DCC: variants seen among roughly 807,000 people sequenced by gnomAD.
The protein encoded by DCC is DCC netrin 1 receptor, also known as netrin receptor DCC.
A neutral mutation model predicts 172.5 loss-of-function variants in DCC; 58 were observed. That is an observed-to-expected ratio of 0.34 (90% CI 0.27 to 0.42). The LOEUF is 0.42. Ranked by LOEUF, DCC falls within the 10% of genes least tolerant of loss-of-function variation. The pLI is 1.00. For missense variants in DCC, 1,740 were observed against 1,791.0 expected (o/e 0.97, Z 0.51); for synonymous variants, 709 against 644.5 (o/e 1.10, Z -1.52).
intron 1 of DCC, among the ~76,000 whole-genome samples, chr18:52,425,276 T>C (rs371581579): frequency 1.3e-5 from 2 of 152,162 alleles, no homozygotes; most frequent in East Asian, 3.8e-4. Context: ...TGGGTGTGGC[T>C]AAACTGGTGT....
At chr18:53,358,632 T>A (rs1340191660) in intron 15 of DCC, among the ~76,000 whole-genome samples, 1 of 144,898 alleles carries the variant, frequency 6.9e-6, no homozygotes, top group African/African-American at 2.5e-5. Context: ...CCGATTCTCC[T>A]GCCTCAGCCT....
chr18:52,763,712 C>G (rs2037198466), intron 2 of DCC, among the ~76,000 whole-genome samples: 2 of 152,214 alleles, frequency 1.3e-5, no homozygotes, highest in Non-Finnish European at 2.9e-5. Context: ...ACCACCACCA[C>G]TATCTAATTC....
chr18:53,312,319 C>CGACA (rs2144801562), intron 13 of DCC, among the ~76,000 whole-genome samples: 1 of 119,328 alleles, frequency 8.4e-6, no homozygotes, highest in South Asian at 2.6e-4. Context: ...CCAGCCTGGG[C>CGACA]GACAGAGCCA....
At chr18:53,331,201 A>G (rs992288471) in intron 14 of DCC, among the ~76,000 whole-genome samples, 4 of 152,210 alleles carry the variant, frequency 2.6e-5, no homozygotes, top group Admixed American at 2.6e-4. Context: ...AAGATTTTAG[A>G]GTTACAATGG....
At chr18:52,507,712 C>G (rs2031282432) in intron 1 of DCC, among the ~76,000 whole-genome samples, 1 of 152,206 alleles carries the variant, frequency 6.6e-6, no homozygotes, top group African/African-American at 2.4e-5. Flanking sequence ...AGATCAAAAT[C>G]TACCATTTCT....
At chr18:52,617,039 C>T (rs373191845) in intron 1 of DCC, among the ~76,000 whole-genome samples, 12 of 152,042 alleles carry the variant, frequency 7.9e-5, no homozygotes, top group African/African-American at 2.9e-4. Context: ...CAAAAACTGG[C>T]CTTAACAGAA....
At chr18:52,784,585 TTG>T (rs75177229) in intron 2 of DCC, among the ~76,000 whole-genome samples, 4,033 of 152,222 alleles carry the variant, frequency 0.026, 79 homozygotes, top group Middle Eastern at 0.082. Flanking sequence ...TTGTTATTTT[TTG>T]TCTTTTTGTT....
chr18:53,088,288 G>A (rs555297936), intron 7 of DCC, among the ~76,000 whole-genome samples: 1 of 152,146 alleles, frequency 6.6e-6, no homozygotes, highest in African/African-American at 2.4e-5. Context: ...TTGAGCAGTG[G>A]TTTGTAGTTC....
At chr18:53,157,746 T>C (rs1315075387) in intron 8 of DCC, among the ~76,000 whole-genome samples, 1 of 152,184 alleles carries the variant, frequency 6.6e-6, no homozygotes, top group Non-Finnish European at 1.5e-5. Flanking sequence ...GAATATATTA[T>C]GTCAATTTTT....
intron 2 of DCC, among the ~76,000 whole-genome samples, chr18:52,784,123 G>A (rs545444083): frequency 6.6e-6 from 1 of 151,944 alleles, no homozygotes; most frequent in Non-Finnish European, 1.5e-5. Flanking sequence ...TCATTCTAGT[G>A]TATAAGTCCA....
rs891979678 is a variant in DCC at position 53,534,103 on chromosome 18, C to T, written c.*3450C>T. 4.6e-5 allele frequency: 7 copies of T among 152,148 alleles called. No homozygotes were observed. Among genetic ancestry groups the T allele is most frequent in the African/African-American group, 9.7e-5 (4 of 41,432 alleles). 9.4% of individuals were successfully genotyped at this position (152,148 alleles called of 1,614,324 possible). A position where few individuals can be genotyped will look rare whatever the true frequency, so the allele number is the denominator to read the frequency against. Reference sequence around the variant, plus strand: ...CTGTTGACTTTGTTTAAATAATCATCTTATGGTTGTCCCCAAATGTAATAT... The same window carrying T: ...CTGTTGACTTTGTTTAAATAATCATTTTATGGTTGTCCCCAAATGTAATAT... On this transcript the variant is annotated 3_prime_UTR_variant, in exon 29 of 29. Coordinates refer to ENST00000442544, the MANE Select transcript of DCC (RefSeq NM_005215.4).
In DCC at chr18:53,499,571, G is replaced by A. The variant is rs113235920; in HGVS notation, c.4111+61G>A. On this transcript the variant is annotated intron_variant, in intron 27 of 28. Transcript: ENST00000442544. ...TTATTATTGGTGCCTCTATTTAAGT[G>A]CATGAGGGTGCTTGAGAAGGCCTAG... 1.0e-4 allele frequency: 136 copies of A among 1,354,314 alleles called. No homozygotes were observed. The African/African-American group carries it at 1.4e-3, about 14-fold the overall frequency. 83.9% of individuals were successfully genotyped at this position (1,354,314 alleles called of 1,614,324 possible). A position where few individuals can be genotyped will look rare whatever the true frequency, so the allele number is the denominator to read the frequency against.
At chr18:53,045,081 CAT>C (rs762799311) in intron 5 of DCC, among the ~76,000 whole-genome samples, 14 of 151,894 alleles carry the variant, frequency 9.2e-5, no homozygotes, top group South Asian at 2.1e-4. Flanking sequence ...CTGAGAAGCA[CAT>C]GTTTTTTAAT....
At chr18:52,855,214 T>A (rs2039033748) in intron 2 of DCC, among the ~76,000 whole-genome samples, 1 of 151,260 alleles carries the variant, frequency 6.6e-6, no homozygotes, top group Admixed American at 6.6e-5. Context: ...CAGTTTCTAT[T>A]TACTTTTTCT....
In DCC at chr18:52,528,252, T is replaced by A. The variant is rs542279395; in HGVS notation, c.91+187374T>A. 3.9e-5 allele frequency among the ~76,000 whole-genome samples: 6 copies of A among 152,350 alleles called. No individual in the cohort carries two copies. The East Asian group carries it at 1.2e-3, about 29-fold the overall frequency. ...TTCAATAAATACTTGTTGCATGAGTTATAACATTCTTCAAAAATAAGGCTG... is the reference window on the plus strand; with the variant it reads ...TTCAATAAATACTTGTTGCATGAGTAATAACATTCTTCAAAAATAAGGCTG... On this transcript the variant is annotated intron_variant, in intron 1 of 28. Transcript: ENST00000442544.
At chr18:53,316,112 T>C (rs1376539443) in intron 13 of DCC, among the ~76,000 whole-genome samples, 2 of 152,202 alleles carry the variant, frequency 1.3e-5, no homozygotes, top group African/African-American at 4.8e-5. Context: ...CTTTAATCCA[T>C]CTTGAGTTAA....
At chr18:53,520,687 T>C (rs982646114) in intron 27 of DCC, among the ~76,000 whole-genome samples, 2 of 152,024 alleles carry the variant, frequency 1.3e-5, no homozygotes. Context: ...ACAAACATCA[T>C]GTAGGGATGG....
At chr18:53,309,220 G>A (rs567957504) in intron 13 of DCC, among the ~76,000 whole-genome samples, 8 of 151,846 alleles carry the variant, frequency 5.3e-5, no homozygotes, top group Admixed American at 1.3e-4. Flanking sequence ...TAAATTTTTC[G>A]TAGAGACAAG....
intron 2 of DCC, among the ~76,000 whole-genome samples, chr18:52,889,622 T>C (rs1394338463): frequency 6.6e-6 from 1 of 152,140 alleles, no homozygotes; most frequent in Non-Finnish European, 1.5e-5. Context: ...TTACAAAATA[T>C]AGAGTGTACT....
Sources: allele counts gnomAD v4.1 joint callset (sites outside exome capture counted in the v4.1 genomes callset), GRCh38; gene constraint gnomAD v4.1.1; transcripts MANE v1.5; gene names NCBI Gene and HGNC (gene_info 2026-07-23, HGNC 2026-07-21).